PKD1L1: variants seen among roughly 807,000 people sequenced by gnomAD.
PKD1L1 encodes polycystin-1-like protein 1.
PKD1L1 carries 236 observed loss-of-function variants against 323.4 expected under a neutral mutation model. That is an observed-to-expected ratio of 0.73 (90% CI 0.66 to 0.81). The LOEUF (loss-of-function observed/expected upper bound fraction) is 0.81, where lower values mean the gene tolerates loss of function less well. Among genes scored for constraint, PKD1L1 ranks in the 40% least tolerant of loss-of-function variants. The probability of loss-of-function intolerance (pLI) is 0.00; values close to 1 mark genes in which losing one functional copy is unlikely to be tolerated. For missense variants in PKD1L1, 3,320 were observed against 3,508.0 expected (o/e 0.95, Z 1.35); for synonymous variants, 1,344 against 1,335.0 (o/e 1.01, Z -0.15).
At chr7:47,818,110 G>T (rs763827881) in intron 46 of PKD1L1, 5 of 1,367,728 alleles carry the variant, frequency 3.7e-6, no homozygotes, top group Non-Finnish European at 4.9e-6. Context: ...TTGGAGGCCT[G>T]CCAGAGCACC....
intron 21 of PKD1L1, among the ~76,000 whole-genome samples, chr7:47,880,284 ATT>A (rs35198089): frequency 1.4e-4 from 8 of 56,818 alleles, no homozygotes; most frequent in Admixed American, 2.4e-4. Flanking sequence ...ATATATATAT[ATT>A]TTTTTTTTTT....
chr7:47,887,574 G>A (rs1786711776), intron 17 of PKD1L1, among the ~76,000 whole-genome samples: 1 of 152,242 alleles, frequency 6.6e-6, no homozygotes, highest in Middle Eastern at 3.2e-3. Context: ...TAGTGTGGGA[G>A]CAAGGATTGG....
At chr7:47,896,557 A>G (rs912124015) in intron 14 of PKD1L1, among the ~76,000 whole-genome samples, 3 of 151,524 alleles carry the variant, frequency 2.0e-5, no homozygotes, top group Admixed American at 2.0e-4. Context: ...GGGACTTAGG[A>G]TTTTATTTTT....
In PKD1L1 at chr7:47,811,827, A is replaced by G; in HGVS notation, c.7571T>C (p.Met2524Thr). Residue 2524 changes from methionine (M) to threonine (T), a missense_variant, in exon 50 of 57, where the codon ATG (methionine) becomes ACG (threonine). Coordinates refer to ENST00000289672, the MANE Select transcript of PKD1L1 (RefSeq NM_138295.5). ...GGCAGGTCAGCTCACCTGGGGAAGC[A>G]TGAGGTGGTACTGCAGGGCTGAGTC... is the stretch of plus-strand genomic sequence containing the variant. ...RSDSALQYHL[M>T]LPQLVFLALS... 6 of 1,603,172 alleles carry G rather than the reference A, an allele frequency of 3.7e-6. No homozygotes were observed. Among genetic ancestry groups the G allele is most frequent in the Non-Finnish European group, 5.1e-6 (6 of 1,175,418 alleles).
chr7:47,874,924 C>A (rs574775218), intron 23 of PKD1L1, among the ~76,000 whole-genome samples: 1 of 152,282 alleles, frequency 6.6e-6, no homozygotes, highest in Admixed American at 6.5e-5. Flanking sequence ...CAATTACAAA[C>A]AAATTGTGGT....
At chr7:47,808,143 C>A in intron 52 of PKD1L1, 104 bp downstream of exon 52, 1 of 1,412,824 alleles carries the variant, frequency 7.1e-7, no homozygotes. Flanking sequence ...CGATATCAAA[C>A]AAATCTGTTG....
At chr7:47,835,980 T>A (rs1385180645) in intron 37 of PKD1L1, among the ~76,000 whole-genome samples, 1 of 152,142 alleles carries the variant, frequency 6.6e-6, no homozygotes, top group African/African-American at 2.4e-5. Context: ...AAGGTACCAA[T>A]GAACAGAGAA....
chr7:47,887,906 T>C lies in PKD1L1; in HGVS notation c.2836+84A>G, dbSNP rs190963599. ...ATCAGACACACTGGGTCATACCAAATGTATTTTGCAACATTTTAGCAATCT... is the reference window on the plus strand; with the variant it reads ...ATCAGACACACTGGGTCATACCAAACGTATTTTGCAACATTTTAGCAATCT... On this transcript the variant is annotated intron_variant, in intron 17 of 56. Transcript: ENST00000289672. The C allele has an allele frequency of 7.6e-3, 10,337 of 1,368,370 alleles. 66 individuals carry two copies. Among genetic ancestry groups the C allele is most frequent in the Non-Finnish European group, 9.3e-3 (9,258 of 997,246 alleles). 84.8% of individuals were successfully genotyped at this position (1,368,370 alleles called of 1,614,324 possible).
Position 47,803,294 on chromosome 7 carries a change from G to T in PKD1L1, c.7878C>A (p.Cys2626Ter). Residue 2626 changes from cysteine (C) to a stop codon, truncating the protein, a stop_gained, in exon 53 of 57, where the codon TGC becomes TGA. Transcript: ENST00000289672. LOFTEE classifies it high-confidence loss of function. Reference sequence around the variant, plus strand: ...TGTTTTGAATGCCAGGAAGATAGACGCATTTTAATGTGAAGAGGAATAAGA... The same window carrying T: ...TGTTTTGAATGCCAGGAAGATAGACTCATTTTAATGTGAAGAGGAATAAGA... ...GILLFLFTLK[C>*]VYLPGIQNTM... 6.2e-7 allele frequency: 1 copy of T among 1,614,096 alleles called. No individual in the cohort carries two copies. Among genetic ancestry groups the T allele is most frequent in the Non-Finnish European group, 8.5e-7 (1 of 1,179,994 alleles).
rs1785680333 is a variant in PKD1L1, at chr7:47,846,990, T to A, written c.5042A>T (p.Asn1681Ile). ...PPNRYLAKAV[N>I]YTVHFQWIRC... is the part of the protein sequence containing the mutation. ...GATCCACTGGAAATGTACTGTATAG[T>A]TCACTGCCTTAGCTAAATATCTGTT... Residue 1681 changes from asparagine (N) to isoleucine (I), a missense_variant, in exon 32 of 57, where the codon AAC becomes ATC. Asn to Ile is a moderately radical substitution (Grantham distance 149). Transcript: ENST00000289672. 1 of 1,613,446 alleles carries A rather than the reference T, an allele frequency of 6.2e-7. No homozygotes were observed. The highest frequency in any genetic ancestry group is 8.5e-7 in the Non-Finnish European group (1 of 1,179,696).
rs71006525 is a variant in PKD1L1, at chr7:47,796,830, C to CAAAAAA, written c.8194-686_8194-681dup. Among the ~76,000 whole-genome samples the CAAAAAA allele has an allele frequency of 4.7e-3, 632 of 133,542 alleles. 1 individual carries two copies. The highest frequency in any genetic ancestry group is 0.011 in the African/African-American group (368 of 33,738). 87.6% of individuals were successfully genotyped at this position (133,542 alleles called of 152,430 possible). On this transcript the variant is annotated intron_variant, in intron 54 of 56. Transcript: ENST00000289672. The stretch of plus-strand genomic sequence containing the variant: ...GTGAAACCCTGTCTCTCCTAAATTA[C>CAAAAAA]AAAAAAAAAAAAAAAAAAAATTAGC...
upstream of PKD1L1, chr7:47,948,601 A>G (rs1788150097): frequency 1.6e-6 from 1 of 626,226 alleles, no homozygotes; most frequent in Non-Finnish European, 2.8e-6. Flanking sequence ...AAACTCCAGT[A>G]ACATTTTCCC....
chr7:47,917,707 G>C (rs992109378), intron 7 of PKD1L1, among the ~76,000 whole-genome samples: 12 of 152,160 alleles, frequency 7.9e-5, no homozygotes, highest in African/African-American at 2.9e-4. Context: ...CAAGAATTTT[G>C]TATCTAGCAA....
intron 56 of PKD1L1, among the ~76,000 whole-genome samples, chr7:47,788,526 G>T (rs1487188564): frequency 1.3e-5 from 2 of 148,938 alleles, no homozygotes; most frequent in Non-Finnish European, 3.0e-5. Context: ...CCAAAGTGCT[G>T]GGATTACAGG....
Position 47,833,217 on chromosome 7 carries a change from C to T in PKD1L1, c.6210G>A (p.Arg2070=), listed in dbSNP as rs748301189. Reference sequence around the variant, plus strand: ...TGTCACTTGCCGCCTTCCTTTGGGCCCTGCCACTCCCAGAGAGAATGGCTG... The same window carrying T: ...TGTCACTTGCCGCCTTCCTTTGGGCTCTGCCACTCCCAGAGAGAATGGCTG... ...PASAILSGSG[R]AQRKAASDNG... is the part of the protein sequence containing the mutation. The change falls in exon 41 of 57, where the codon AGG becomes AGA. Residue 2070 remains arginine, a synonymous_variant. Coordinates refer to ENST00000289672, the MANE Select transcript of PKD1L1 (RefSeq NM_138295.5). 1.9e-6 allele frequency: 3 copies of T among 1,613,032 alleles called. No individual in the cohort carries two copies. Among genetic ancestry groups the T allele is most frequent in the Non-Finnish European group, 2.5e-6 (3 of 1,179,532 alleles).
Position 47,898,203 on chromosome 7 carries a change from CAAG to C in PKD1L1, c.2065-12_2065-10del. 6.2e-7 allele frequency: 1 copy of C among 1,608,698 alleles called. No individual in the cohort carries two copies. Among genetic ancestry groups the C allele is most frequent in the Non-Finnish European group, 8.5e-7 (1 of 1,175,588 alleles). ...GGCTGAGACCTCCATATCTAAGTAT[CAAG>C]AAGAGAAGATGTCTCATTAAAATGT... is the stretch of plus-strand genomic sequence containing the variant. On this transcript the variant is annotated splice_polypyrimidine_tract_variant and intron_variant, in intron 13 of 56. Coordinates refer to ENST00000289672, the MANE Select transcript of PKD1L1 (RefSeq NM_138295.5).
intron 30 of PKD1L1, among the ~76,000 whole-genome samples, chr7:47,853,875 C>A (rs760842737): frequency 2.6e-5 from 4 of 151,866 alleles, no homozygotes; most frequent in Non-Finnish European, 4.4e-5. Context: ...ACTGGCTACA[C>A]GTGGTTAGGG....
At chr7:47,829,624 G>A (rs535102854) in intron 43 of PKD1L1, 23 bp from the exon 44 acceptor site, 11 of 1,588,632 alleles carry the variant, frequency 6.9e-6, no homozygotes, top group African/African-American at 4.0e-5. Flanking sequence ...ACATGACAGC[G>A]CAGAGAGCCG....
chr7:47,803,235 GA>G lies in PKD1L1; in HGVS notation c.7936del (p.Ser2646HisfsTer7). On this transcript the variant is annotated frameshift_variant, in exon 53 of 57. Coordinates refer to ENST00000289672, the MANE Select transcript of PKD1L1 (RefSeq NM_138295.5). LOFTEE classifies it high-confidence loss of function. ...MASCSSMMRH[S>X]LPSIFVAGLV... The stretch of plus-strand genomic sequence containing the variant: ...CCCTGCTACAAAGATGCTGGGGAGT[GA>G]GTGGCGCATCATGGAGGAGCAGGAT... The G allele has an allele frequency of 2.5e-6, 4 of 1,614,146 alleles. No homozygotes were observed. The highest frequency in any genetic ancestry group is 3.4e-6 in the Non-Finnish European group (4 of 1,180,018).
Sources: gnomAD v4.1 joint callset for allele counts (sites outside exome capture counted in the v4.1 genomes callset) on GRCh38, gnomAD v4.1.1 for gene constraint, MANE v1.5 for transcripts, NCBI Gene and HGNC (gene_info 2026-07-23, HGNC 2026-07-21) for gene names.